NF1: variants seen among roughly 807,000 people sequenced by gnomAD.
NF1 encodes the protein neurofibromin 1, also known as neurofibromin.
In NF1, 122 loss-of-function variants were observed where a neutral mutation model predicts 325.7. The ratio of observed to expected loss-of-function variants is 0.37; its 90% CI spans 0.32 to 0.44. The LOEUF is 0.44. NF1 is among the 20% of genes least tolerant of loss of function. The probability of loss-of-function intolerance (pLI) is 1.00; values close to 1 mark genes in which losing one functional copy is unlikely to be tolerated. For synonymous variants in NF1, 1,091 were observed against 1,186.0 expected, an observed-to-expected ratio of 0.92 and a Z score of 1.65; for missense variants, 2,140 against 3,415.4, an observed-to-expected ratio of 0.63 and a Z score of 9.31.
chr17:31,281,282 A>T (rs1317189281), intron 36 of NF1, among the ~76,000 whole-genome samples: 2 of 152,198 alleles, frequency 1.3e-5, no homozygotes, highest in Non-Finnish European at 2.9e-5. Context: ...GGAAGTGTTT[A>T]TGACACATTG....
intron 5 of NF1, among the ~76,000 whole-genome samples, chr17:31,180,404 G>A (rs2066106610): frequency 6.6e-6 from 1 of 152,198 alleles, no homozygotes; most frequent in Admixed American, 6.5e-5. Flanking sequence ...CCATGATCAA[G>A]TTGGCTTCAT....
chr17:31,338,182 C>T (rs1486594726), intron 45 of NF1, 43 bp downstream of exon 45: 3 of 1,365,620 alleles, frequency 2.2e-6, no homozygotes, highest in Non-Finnish European at 3.1e-6. Flanking sequence ...TTATGGTTCT[C>T]AAGTTGTAAA....
chr17:31,216,308 A>T (rs1174126342), intron 13 of NF1, among the ~76,000 whole-genome samples: 2 of 152,208 alleles, frequency 1.3e-5, no homozygotes, highest in African/African-American at 2.4e-5. Context: ...TTTTCCAAGG[A>T]TCATTTAAAA....
intron 36 of NF1, chr17:31,296,492 C>A (rs1172701500): frequency 4.2e-6 from 3 of 710,360 alleles, no homozygotes; most frequent in African/African-American, 1.7e-5. Context: ...AGCTCCCCTT[C>A]ATTTATAGTC....
At position 31,110,955 on chromosome 17, in the gene NF1, C is replaced by T. The variant is rs912254521; in HGVS notation, c.60+15586C>T. On this transcript the variant is annotated intron_variant, in intron 1 of 57. Coordinates refer to ENST00000358273, the MANE Select transcript of NF1 (RefSeq NM_001042492.3). ...TTTAATGTATACTATTTAAGTTCCACGAGAGCAGGGCCTATGTCTGTTTTG... is the reference window on the plus strand; with the variant it reads ...TTTAATGTATACTATTTAAGTTCCATGAGAGCAGGGCCTATGTCTGTTTTG... Among the ~76,000 whole-genome samples the T allele has an allele frequency of 6.6e-5, 10 of 152,130 alleles. No individual in the cohort carries two copies. The South Asian group carries it at 8.3e-4, about 13-fold the overall frequency.
At chr17:31,220,081 G>A (rs1311946675) in intron 14 of NF1, among the ~76,000 whole-genome samples, 1 of 152,166 alleles carries the variant, frequency 6.6e-6, no homozygotes, top group Non-Finnish European at 1.5e-5. Flanking sequence ...GCTAAGTCGT[G>A]TGGTAACTCT....
chr17:31,229,645 GTA>G, intron 21 of NF1, 180 bp downstream of exon 21: 1 of 939,606 alleles, frequency 1.1e-6, no homozygotes, highest in South Asian at 1.5e-5. Context: ...ACTCTGGTGT[GTA>G]TGTGTGCCTA....
In NF1 at chr17:31,229,695, C is replaced by T. The variant is rs17882945; in HGVS notation, c.2851-140C>T. 2.5e-4 allele frequency: 284 copies of T among 1,121,418 alleles called. 1 individual carries two copies. In the African/African-American group the frequency reaches 3.7e-3, roughly 15 times the overall value. The allele number at this position is 1,121,418 out of a possible 1,614,324, so 69.5% of individuals were successfully genotyped here. On this transcript the variant is annotated intron_variant, in intron 21 of 57. Transcript: ENST00000358273. ...CCCTGTGTATGGGTACGAGTGTCTG[C>T]GTATATCTGTATGCTTATTTGGCTC...
At chr17:31,286,626 T>C (rs1318726371) in intron 36 of NF1, among the ~76,000 whole-genome samples, 4 of 152,362 alleles carry the variant, frequency 2.6e-5, no homozygotes, top group Middle Eastern at 6.8e-3. Context: ...TTGTTTGCTT[T>C]CTTAGATTAT....
chr17:31,176,467 C>T (rs1055495188), intron 5 of NF1, among the ~76,000 whole-genome samples: 7 of 152,176 alleles, frequency 4.6e-5, no homozygotes, highest in African/African-American at 9.7e-5. Context: ...TGCCTGTTCA[C>T]TCCGATGGTA....
intron 8 of NF1, among the ~76,000 whole-genome samples, chr17:31,188,526 G>C (rs570858373): frequency 1.3e-5 from 2 of 152,276 alleles, no homozygotes; most frequent in East Asian, 3.9e-4. Flanking sequence ...TAAAGATTAT[G>C]TATGATCTCA....
intron 35 of NF1, among the ~76,000 whole-genome samples, chr17:31,262,411 A>G (rs1195878596): frequency 6.6e-6 from 1 of 152,212 alleles, no homozygotes; most frequent in Non-Finnish European, 1.5e-5. Context: ...AAAGATCCTC[A>G]TTGTTAGACA....
At chr17:31,123,600 A>G (rs1416197270) in intron 1 of NF1, among the ~76,000 whole-genome samples, 1 of 152,180 alleles carries the variant, frequency 6.6e-6, no homozygotes, top group Non-Finnish European at 1.5e-5. Context: ...CATTTTAAAG[A>G]ATAATGTTAG....
chr17:31,356,372 T>G, intron 51 of NF1, 88 bp from the exon 52 acceptor site: 1 of 1,425,940 alleles, frequency 7.0e-7, no homozygotes, highest in Non-Finnish European at 9.8e-7. Context: ...GCTTAAACAC[T>G]TTATGTCCAA....
intron 1 of NF1, among the ~76,000 whole-genome samples, chr17:31,114,628 G>A (rs1296112290): frequency 6.6e-6 from 1 of 151,806 alleles, no homozygotes; most frequent in African/African-American, 2.4e-5. Context: ...AGCTGAGGTG[G>A]GCAGGTCACA....
At chr17:31,246,118 C>T (rs1475195029) in intron 29 of NF1, among the ~76,000 whole-genome samples, 1 of 152,124 alleles carries the variant, frequency 6.6e-6, no homozygotes, top group Non-Finnish European at 1.5e-5. Flanking sequence ...GTGTGGAATA[C>T]CTGGTCTATA....
chr17:31,268,349 C>T (rs185719115), intron 36 of NF1, among the ~76,000 whole-genome samples: 49 of 152,082 alleles, frequency 3.2e-4, no homozygotes, highest in African/African-American at 1.1e-3. Flanking sequence ...GACCACTTGG[C>T]TGGGCGCGGT....
rs768090313 is a variant in NF1, at chr17:31,214,649, C to T, written c.1527+64C>T. ...CTAAGTTAATTGGGTTTAGCTGAAACGCCAAGACCTTGAGGATAATTTTTA... is the reference window on the plus strand; with the variant it reads ...CTAAGTTAATTGGGTTTAGCTGAAATGCCAAGACCTTGAGGATAATTTTTA... On this transcript the variant is annotated intron_variant, in intron 13 of 57. Coordinates refer to ENST00000358273, the MANE Select transcript of NF1 (RefSeq NM_001042492.3). 144 of 1,519,558 alleles carry T rather than the reference C, an allele frequency of 9.5e-5. 1 individual carries two copies. The highest frequency in any genetic ancestry group is 9.3e-5 in the Non-Finnish European group (102 of 1,101,246). The allele number at this position is 1,519,558 out of a possible 1,614,324, so 94.1% of individuals were successfully genotyped here. A position where few individuals can be genotyped will look rare whatever the true frequency, so the allele number is the denominator to read the frequency against.
chr17:31,248,044 A>G (rs558294381), intron 29 of NF1, among the ~76,000 whole-genome samples: 2 of 151,724 alleles, frequency 1.3e-5, no homozygotes, highest in South Asian at 2.1e-4. Context: ...CTCTACTAAA[A>G]ATATAAAATT....
Sources: allele counts gnomAD v4.1 joint callset (sites outside exome capture counted in the v4.1 genomes callset), GRCh38; gene constraint gnomAD v4.1.1; transcripts MANE v1.5; gene names NCBI Gene and HGNC (gene_info 2026-07-23, HGNC 2026-07-21).